The following DIS3L2 variants were observed in gnomAD, a reference collection of about 807,000 sequenced individuals.
DIS3L2 encodes DIS3 like 3'-5' exoribonuclease 2, also known as DIS3-like exonuclease 2.
Under a neutral mutation model 97.5 loss-of-function variants are expected in DIS3L2, and 34 were observed. The ratio of observed to expected loss-of-function variants is 0.35; its 90% CI spans 0.27 to 0.46. The LOEUF (loss-of-function observed/expected upper bound fraction) is 0.46. DIS3L2 is among the 20% of genes least tolerant of loss of function. DIS3L2 has a pLI of 1.00. For missense variants in DIS3L2, 1,038 were observed against 1,146.0 expected, an observed-to-expected ratio of 0.91 and a Z score of 1.36; for synonymous variants, 435 against 445.2, an observed-to-expected ratio of 0.98 and a Z score of 0.29.
Position 232,248,726 on chromosome 2 carries a change from CTA to C in DIS3L2, c.1318-512_1318-511del, listed in dbSNP as rs539806916. Among the ~76,000 whole-genome samples the C allele has an allele frequency of 1.3e-3, 197 of 152,274 alleles. 3 individuals carry two copies. Among genetic ancestry groups the C allele is most frequent in the African/African-American group, 3.9e-3 (161 of 41,552 alleles). On this transcript the variant is annotated intron_variant, in intron 11 of 20. Transcript: ENST00000325385. ...GTATGATCCTTTCTGTTTTATCACTCTAGTGATATTTTATTGAAGTAGTCTCT... is the reference window on the plus strand; with the variant it reads ...GTATGATCCTTTCTGTTTTATCACTCGTGATATTTTATTGAAGTAGTCTCT...
At chr2:232,327,727 CAGAT>C (rs1233558542) in intron 14 of DIS3L2, among the ~76,000 whole-genome samples, 2 of 152,190 alleles carry the variant, frequency 1.3e-5, no homozygotes. Flanking sequence ...TTGAGGAACA[CAGAT>C]TGATGGCAGG....
At chr2:232,165,162 G>A (rs1373459065) in intron 9 of DIS3L2, among the ~76,000 whole-genome samples, 1 of 152,166 alleles carries the variant, frequency 6.6e-6, no homozygotes, top group Non-Finnish European at 1.5e-5. Flanking sequence ...ATTAATAAAG[G>A]AATGGTTTAG....
chr2:232,049,714 T>C (rs72989604), intron 5 of DIS3L2, among the ~76,000 whole-genome samples: 344 of 152,272 alleles, frequency 2.3e-3, no homozygotes, highest in Non-Finnish European at 3.4e-3. Context: ...AACTTTTACT[T>C]TTTGGTTTTC....
Position 232,205,661 on chromosome 2 carries a change from C to A in DIS3L2, c.1125-4665C>A, listed in dbSNP as rs1225918090. Among the ~76,000 whole-genome samples the A allele has an allele frequency of 3.3e-5, 5 of 152,082 alleles. No individual in the cohort carries two copies. The East Asian group carries it at 9.6e-4, about 29-fold the overall frequency. On this transcript the variant is annotated intron_variant, in intron 9 of 20. Transcript: ENST00000325385. ...GGAACACGTGAGTAGGAAAATTAGG[C>A]ACAGCCAGGATAAGGGTTAGTTCAC...
chr2:232,329,786 C>CCCCGGGGGGGGCCA, intron 14 of DIS3L2, 27 bp from the exon 15 acceptor site: 2 of 430,238 alleles, frequency 4.6e-6, no homozygotes, highest in Non-Finnish European at 8.4e-6. Flanking sequence ...CCCCAGCGGT[C>CCCCGGGGGGGGCCA]CCTCCCATCC....
rs538214510 is a variant in DIS3L2 at position 232,301,908 on chromosome 2, A to G, written c.1739+1789A>G. Among the ~76,000 whole-genome samples, 3 of 143,570 alleles carry G rather than the reference A, an allele frequency of 2.1e-5. No individual in the cohort carries two copies. In the South Asian group the frequency reaches 6.5e-4, roughly 31 times the overall value. 94.2% of individuals were successfully genotyped at this position (143,570 alleles called of 152,430 possible). On this transcript the variant is annotated intron_variant, in intron 14 of 20. Coordinates refer to ENST00000325385, the MANE Select transcript of DIS3L2 (RefSeq NM_152383.5). ...TCCCTAGGCTGGTCTTGAACTCCTGAGCTCAAGCCATCCTCTTGCCTCAGC... is the reference window on the plus strand; with the variant it reads ...TCCCTAGGCTGGTCTTGAACTCCTGGGCTCAAGCCATCCTCTTGCCTCAGC...
intron 5 of DIS3L2, among the ~76,000 whole-genome samples, chr2:232,076,778 ATAT>A (rs1174971289): frequency 6.6e-6 from 1 of 152,128 alleles, no homozygotes; most frequent in East Asian, 1.9e-4. Flanking sequence ...TTTTTTATAT[ATAT>A]TTAAAACATA....
intron 10 of DIS3L2, 57 bp from the exon 11 acceptor site, chr2:232,238,476 G>A (rs1692993552): frequency 6.9e-7 from 1 of 1,441,786 alleles, no homozygotes; most frequent in Non-Finnish European, 9.7e-7. Context: ...AGGACTCCTG[G>A]GAGAGAATGC....
intron 10 of DIS3L2, among the ~76,000 whole-genome samples, chr2:232,213,622 A>C (rs935088114): frequency 2.6e-5 from 4 of 151,886 alleles, no homozygotes; most frequent in African/African-American, 9.7e-5. Flanking sequence ...TGCTTCAAAA[A>C]ACAAATAGTG....
intron 6 of DIS3L2, among the ~76,000 whole-genome samples, chr2:232,123,693 A>T (rs1256871878): frequency 6.6e-6 from 1 of 152,140 alleles, no homozygotes; most frequent in East Asian, 1.9e-4. Context: ...ATTTGGATTT[A>T]AAAAAAATCT....
intron 14 of DIS3L2, among the ~76,000 whole-genome samples, chr2:232,317,200 A>C (rs1402190554): frequency 6.6e-6 from 1 of 152,208 alleles, no homozygotes; most frequent in East Asian, 1.9e-4. Context: ...CTGCGGAAAC[A>C]AGCCACTTTT....
At chr2:232,336,360 C>T (rs1251861907) in intron 20 of DIS3L2, 109 bp from the exon 21 acceptor site, 2 of 1,548,268 alleles carry the variant, frequency 1.3e-6, no homozygotes, top group Non-Finnish European at 8.7e-7. Context: ...GCAGAGGCTT[C>T]CAGAGGCCGA....
intron 9 of DIS3L2, chr2:232,172,867 C>T (rs1691032937): frequency 2.1e-6 from 1 of 471,364 alleles, no homozygotes; most frequent in Admixed American, 2.5e-5. Context: ...TCTGTCATGA[C>T]TAATGAGACT....
chr2:232,219,499 A>G (rs544705739), intron 10 of DIS3L2, among the ~76,000 whole-genome samples: 12 of 151,774 alleles, frequency 7.9e-5, no homozygotes, highest in Non-Finnish European at 1.6e-4. Flanking sequence ...TATAAGTCTC[A>G]TCCACTTTCT....
intron 9 of DIS3L2, among the ~76,000 whole-genome samples, chr2:232,206,692 C>T (rs149541480): frequency 1.3e-5 from 2 of 152,122 alleles, no homozygotes; most frequent in East Asian, 3.8e-4. Flanking sequence ...AGCAAGCAAG[C>T]CTTCCTGAGT....
chr2:232,038,268 A>G (rs1695008021), intron 5 of DIS3L2, among the ~76,000 whole-genome samples: 1 of 152,182 alleles, frequency 6.6e-6, no homozygotes, highest in Non-Finnish European at 1.5e-5. Context: ...AGGTCATTTG[A>G]GGGAGTAAAG....
chr2:232,050,729 G>A (rs1232691181), intron 5 of DIS3L2, among the ~76,000 whole-genome samples: 1 of 152,096 alleles, frequency 6.6e-6, no homozygotes, highest in African/African-American at 2.4e-5. Flanking sequence ...TTTTTTGATT[G>A]GCAGCTTTGT....
At chr2:232,148,723 AT>A (rs1226198729) in intron 8 of DIS3L2, among the ~76,000 whole-genome samples, 1 of 132,798 alleles carries the variant, frequency 7.5e-6, no homozygotes, top group African/African-American at 2.8e-5. Context: ...AAGATGAAAA[AT>A]TTTTTTTCTC....
chr2:232,013,892 T>G (rs1441962076), intron 1 of DIS3L2, among the ~76,000 whole-genome samples: 2 of 152,234 alleles, frequency 1.3e-5, no homozygotes, highest in African/African-American at 4.8e-5. Context: ...GCTTTTCTTC[T>G]GCTGAGTTAG....
Sources: gnomAD v4.1 joint callset for allele counts (sites outside exome capture counted in the v4.1 genomes callset) on GRCh38, gnomAD v4.1.1 for gene constraint, MANE v1.5 for transcripts, NCBI Gene and HGNC (gene_info 2026-07-23, HGNC 2026-07-21) for gene names.